The following RPS6KA5 variants were observed in gnomAD, a reference collection of about 807,000 sequenced individuals.
The protein encoded by RPS6KA5 is ribosomal protein S6 kinase alpha-5.
Under a neutral mutation model 85.5 loss-of-function variants are expected in RPS6KA5, and 27 were observed. The ratio of observed to expected loss-of-function variants is 0.32; its 90% CI spans 0.23 to 0.44. RPS6KA5 has a LOEUF of 0.44. Ranked by LOEUF, RPS6KA5 falls within the 20% of genes least tolerant of loss-of-function variation. The probability of loss-of-function intolerance (pLI) is 1.00; values close to 1 mark genes in which losing one functional copy is unlikely to be tolerated. For synonymous variants in RPS6KA5, 334 were observed against 348.2 expected, an observed-to-expected ratio of 0.96 and a Z score of 0.46; for missense variants, 811 against 980.9, an observed-to-expected ratio of 0.83 and a Z score of 2.31.
At chr14:90,927,943 T>TTTC (rs2036767304) in intron 5 of RPS6KA5, among the ~76,000 whole-genome samples, 1 of 149,832 alleles carries the variant, frequency 6.7e-6, no homozygotes, top group African/African-American at 2.4e-5. Context: ...TTTTCTTTTT[T>TTTC]TTTTTTTTTT....
At chr14:90,890,727 G>A (rs1771618139) in intron 13 of RPS6KA5, 49 bp from the exon 14 acceptor site, 3 of 1,501,968 alleles carry the variant, frequency 2.0e-6, no homozygotes, top group Non-Finnish European at 2.8e-6. Context: ...CATGTCTTGG[G>A]AATTGCTGGT....
chr14:90,983,792 TCTC>T (rs2039919982), intron 2 of RPS6KA5, among the ~76,000 whole-genome samples: 1 of 95,750 alleles, frequency 1.0e-5, no homozygotes, highest in African/African-American at 4.4e-5. Context: ...TTTCTTTCTC[TCTC>T]TCTCTCTCTC....
chr14:90,945,179 C>A (rs1395053041), intron 4 of RPS6KA5, among the ~76,000 whole-genome samples: 1 of 149,460 alleles, frequency 6.7e-6, no homozygotes, highest in Non-Finnish European at 1.5e-5. Context: ...CTCAGTCAAG[C>A]AGGTTGAGGC....
intron 1 of RPS6KA5, among the ~76,000 whole-genome samples, chr14:91,036,650 G>A (rs1164989431): frequency 6.6e-6 from 1 of 152,198 alleles, no homozygotes; most frequent in Non-Finnish European, 1.5e-5. Flanking sequence ...CCAATAAAAA[G>A]CTACCTTTAT....
chr14:91,000,491 T>C (rs2040736691), intron 2 of RPS6KA5, among the ~76,000 whole-genome samples: 1 of 152,188 alleles, frequency 6.6e-6, no homozygotes, highest in African/African-American at 2.4e-5. Flanking sequence ...TCAATGTTAG[T>C]GATTTTTTAA....
chr14:90,891,071 T>C (rs1039558114), intron 13 of RPS6KA5, among the ~76,000 whole-genome samples: 5 of 152,022 alleles, frequency 3.3e-5, no homozygotes, highest in South Asian at 2.1e-4. Flanking sequence ...CTAACACTAT[T>C]TACTTTTCCT....
rs1280228009 is a variant in RPS6KA5 at position 90,951,135 on chromosome 14, AAGAG to A, written c.395-3589_395-3586del. Reference sequence around the variant, plus strand: ...CTCAGTCTCAAAAAAAAAAAAAAAAAAGAGAGAGAGAGAGAGATAATGGTCTGTA... The same window carrying A: ...CTCAGTCTCAAAAAAAAAAAAAAAAAAGAGAGAGAGAGATAATGGTCTGTA... On this transcript the variant is annotated intron_variant, in intron 3 of 16. Coordinates refer to ENST00000614987, the MANE Select transcript of RPS6KA5 (RefSeq NM_004755.4). Among the ~76,000 whole-genome samples, 1,397 of 146,462 alleles carry A rather than the reference AAGAG, an allele frequency of 9.5e-3. 30 individuals are homozygous for A. The highest frequency in any genetic ancestry group is 0.034 in the African/African-American group (1,319 of 38,674).
intron 5 of RPS6KA5, among the ~76,000 whole-genome samples, chr14:90,927,419 C>T (rs1337947137): frequency 1.3e-5 from 2 of 151,744 alleles, no homozygotes; most frequent in South Asian, 2.1e-4. Flanking sequence ...CAGAAACTCT[C>T]GATCAAAAAA....
At chr14:91,021,778 G>A (rs955861535) in intron 1 of RPS6KA5, among the ~76,000 whole-genome samples, 4 of 152,050 alleles carry the variant, frequency 2.6e-5, no homozygotes, top group Non-Finnish European at 5.9e-5. Context: ...TTCAAAAGCC[G>A]GCTCTGTGTC....
intron 14 of RPS6KA5, among the ~76,000 whole-genome samples, chr14:90,884,847 G>A (rs539145170): frequency 1.7e-4 from 26 of 152,292 alleles, no homozygotes; most frequent in African/African-American, 6.0e-4. Flanking sequence ...AATTGGAATT[G>A]CTGGATTATT....
intron 1 of RPS6KA5, among the ~76,000 whole-genome samples, chr14:91,033,222 C>T (rs192167574): frequency 2.7e-5 from 4 of 150,528 alleles, no homozygotes; most frequent in African/African-American, 9.8e-5. Context: ...AAATGTTCAA[C>T]CTCACTAATA....
chr14:91,035,336 C>T (rs1340695526), intron 1 of RPS6KA5, among the ~76,000 whole-genome samples: 1 of 152,108 alleles, frequency 6.6e-6, no homozygotes, highest in Non-Finnish European at 1.5e-5. Flanking sequence ...TCCAACAGAG[C>T]TGCTGCTACA....
rs1335548828 is a variant in RPS6KA5 at position 90,864,627 on chromosome 14, A to G, written c.*7447T>C. 5 of 152,358 alleles carry G rather than the reference A, an allele frequency of 3.3e-5. No homozygotes were observed. The highest frequency in any genetic ancestry group is 1.2e-4 in the African/African-American group (5 of 41,594). The allele number at this position is 152,358 out of a possible 1,614,324, so 9.4% of individuals were successfully genotyped here. A position where few individuals can be genotyped will look rare whatever the true frequency, so the allele number is the denominator to read the frequency against. Reference sequence around the variant, plus strand: ...CTAAAGAGAAGACATTTATGGTAAAATATCAGACAAAAACCCTCATATCCA... The same window carrying G: ...CTAAAGAGAAGACATTTATGGTAAAGTATCAGACAAAAACCCTCATATCCA... On this transcript the variant is annotated 3_prime_UTR_variant, in exon 17 of 17. Transcript: ENST00000614987.
In RPS6KA5 at chr14:90,861,806, G is replaced by A. The variant is rs1470060251; in HGVS notation, c.*10268C>T. On this transcript the variant is annotated 3_prime_UTR_variant, in exon 17 of 17. Transcript: ENST00000614987. ...CCAGCTACTCGGGAGGCTGAGGCAG[G>A]AGAATCGCTTGAACCAGGGAATCAG... 2 of 150,232 alleles carry A rather than the reference G, an allele frequency of 1.3e-5. No individual in the cohort carries two copies. Among genetic ancestry groups the A allele is most frequent in the Non-Finnish European group, 2.9e-5 (2 of 67,984 alleles). 9.3% of individuals were successfully genotyped at this position (150,232 alleles called of 1,614,324 possible).
chr14:91,012,308 T>G (rs913820664), intron 1 of RPS6KA5, among the ~76,000 whole-genome samples: 1 of 152,370 alleles, frequency 6.6e-6, no homozygotes, highest in Admixed American at 6.5e-5. Context: ...AGTTCTGGTA[T>G]GAATAAGATC....
chr14:90,995,958 T>C (rs1195977867), intron 2 of RPS6KA5, among the ~76,000 whole-genome samples: 1 of 152,074 alleles, frequency 6.6e-6, no homozygotes, highest in Non-Finnish European at 1.5e-5. Context: ...TGTTGGCACA[T>C]GGTTGCAGTC....
At chr14:90,924,028 AG>A (rs1418832641) in intron 5 of RPS6KA5, among the ~76,000 whole-genome samples, 2 of 152,140 alleles carry the variant, frequency 1.3e-5, no homozygotes, top group African/African-American at 4.8e-5. Flanking sequence ...CCTCTCTTAT[AG>A]TTCATTTTAG....
intron 3 of RPS6KA5, among the ~76,000 whole-genome samples, chr14:90,969,000 G>A (rs1402819432): frequency 6.6e-6 from 1 of 152,132 alleles, no homozygotes; most frequent in East Asian, 1.9e-4. Context: ...GTAGCAAGTA[G>A]ATTTCACTTT....
At position 90,902,797 on chromosome 14, in the gene RPS6KA5, T is replaced by A; in HGVS notation, c.1119+11A>T. 6.2e-7 allele frequency: 1 copy of A among 1,613,062 alleles called. No individual in the cohort carries two copies. The highest frequency in any genetic ancestry group is 1.1e-5 in the South Asian group (1 of 90,914). On this transcript the variant is annotated intron_variant, in intron 9 of 16. Transcript: ENST00000614987. Reference sequence around the variant, plus strand: ...ATGGCCAATGTGCATGTGCACAGGATGGGAAATTACCTGAAACAGCTTCTC... The same window carrying A: ...ATGGCCAATGTGCATGTGCACAGGAAGGGAAATTACCTGAAACAGCTTCTC...
Sources: allele counts gnomAD v4.1 joint callset (sites outside exome capture counted in the v4.1 genomes callset), GRCh38; gene constraint gnomAD v4.1.1; transcripts MANE v1.5; gene names NCBI Gene and HGNC (gene_info 2026-07-23, HGNC 2026-07-21).